ZAN: variants seen among roughly 807,000 people sequenced by gnomAD.
The protein encoded by ZAN is zonadhesin.
ZAN carries 260 observed loss-of-function variants against 286.2 expected under a neutral mutation model. That is an observed-to-expected ratio of 0.91 (90% CI 0.82 to 1.01). The LOEUF is 1.01. Among genes scored for constraint, ZAN ranks in the 50% least tolerant of loss-of-function variants. The pLI, the probability that ZAN is intolerant of heterozygous loss-of-function variation, is 0.00. For missense variants in ZAN, 3,410 were observed against 3,639.2 expected, an observed-to-expected ratio of 0.94 and a Z score of 1.62; for synonymous variants, 1,368 against 1,417.5, an observed-to-expected ratio of 0.97 and a Z score of 0.79.
In ZAN at chr7:100,779,751, G is replaced by A. The variant is rs482308; in HGVS notation, c.6622+1G>A. 0.34 allele frequency: 531,393 copies of A among 1,548,598 alleles called. 94,068 individuals carry two copies. Among genetic ancestry groups the A allele is most frequent in the Non-Finnish European group, 0.36 (415,181 of 1,146,924 alleles). Reference sequence around the variant, plus strand: ...CTCTGGAGAAACAGCAGCTTCTGCCGTGAGTGTGCCCTGCTGTCACCCCAA... The same window carrying A: ...CTCTGGAGAAACAGCAGCTTCTGCCATGAGTGTGCCCTGCTGTCACCCCAA... On this transcript the variant is annotated splice_donor_variant, in intron 35 of 47. Transcript: ENST00000613979. LOFTEE classifies it high-confidence loss of function.
At position 100,737,081 on chromosome 7, in the gene ZAN, G is replaced by C; in HGVS notation, c.525+1G>C. 2.7e-6 allele frequency: 4 copies of C among 1,490,834 alleles called. 2 individuals carry two copies. Among genetic ancestry groups the C allele is most frequent in the South Asian group, 2.4e-5 (2 of 84,966 alleles). 92.4% of individuals were successfully genotyped at this position (1,490,834 alleles called of 1,614,324 possible). On this transcript the variant is annotated splice_donor_variant, in intron 5 of 47. Coordinates refer to ENST00000613979, the MANE Select transcript of ZAN (RefSeq NM_003386.3). LOFTEE classifies it high-confidence loss of function. ...CGCAGGGTTCACCCTGCCCACCCGG[G>C]TAAGGCCGGGGACAAATTGTGGGAC...
At chr7:100,796,212 C>T (rs1812352392) in intron 45 of ZAN, among the ~76,000 whole-genome samples, 1 of 152,190 alleles carries the variant, frequency 6.6e-6, no homozygotes, top group African/African-American at 2.4e-5. Context: ...ACCCCTGCTG[C>T]TTCCTCCTCC....
Position 100,759,779 on chromosome 7 carries a change from C to T in ZAN, c.3630C>T (p.Cys1210=). Residue 1210 remains cysteine, a synonymous_variant, in exon 18 of 48, where the codon TGC becomes TGT. Transcript: ENST00000613979. ...NEEQGQEGVS[C]LSKVYVTLPE... ...AGCAGGGACAGGAAGGCGTGTCCTGCCTGAGCAAAGTCTACGTGACCCTGC... is the reference window on the plus strand; with the variant it reads ...AGCAGGGACAGGAAGGCGTGTCCTGTCTGAGCAAAGTCTACGTGACCCTGC... The T allele has an allele frequency of 6.2e-7, 1 of 1,605,252 alleles. No individual in the cohort carries two copies. The highest frequency in any genetic ancestry group is 8.5e-7 in the Non-Finnish European group (1 of 1,176,214).
chr7:100,792,489 C>A lies in ZAN; in HGVS notation c.7787+10C>A. 6.2e-7 allele frequency: 1 copy of A among 1,613,854 alleles called. No homozygotes were observed. Among genetic ancestry groups the A allele is most frequent in the Non-Finnish European group, 8.5e-7 (1 of 1,179,860 alleles). On this transcript the variant is annotated intron_variant, in intron 42 of 47. Transcript: ENST00000613979. ...GCCAGGTCCTCAGTGGGTACGCCAT[C>A]CTCTGCCAGGAGGCGGGCGCTGCCC...
At chr7:100,766,691 G>A in intron 24 of ZAN, 25 bp downstream of exon 24, 3 of 1,556,562 alleles carry the variant, frequency 1.9e-6, no homozygotes, top group Non-Finnish European at 2.6e-6. Context: ...TGGAAGGTGA[G>A]CTGGGGGCTG....
chr7:100,764,346 T>G (rs1243284335), intron 22 of ZAN, 150 bp downstream of exon 22: 1 of 991,072 alleles, frequency 1.0e-6, no homozygotes, highest in Non-Finnish European at 1.4e-6. Context: ...CATACCAAAA[T>G]TAGCCAGGCA....
At chr7:100,743,049 CAG>C (rs1252046916) in intron 7 of ZAN, among the ~76,000 whole-genome samples, 1 of 105,888 alleles carries the variant, frequency 9.4e-6, no homozygotes, top group Non-Finnish European at 2.2e-5. Flanking sequence ...TTTTTTGAGA[CAG>C]AATCTTGCTG....
intron 46 of ZAN, 31 bp from the exon 47 acceptor site, chr7:100,797,546 G>C: frequency 6.2e-7 from 1 of 1,613,532 alleles, no homozygotes; most frequent in Non-Finnish European, 8.5e-7. Context: ...GGCCACTTGG[G>C]GACCCATGTC....
chr7:100,737,066 A>C lies in ZAN; in HGVS notation c.511A>C (p.Thr171Pro). Residue 171 changes from threonine to proline, a missense_variant, in exon 5 of 48, where the codon ACC becomes CCC. Physicochemically the swap from Thr to Pro is conservative, Grantham distance 38. This residue lies in a region of ZAN where 872 missense variants were observed against 938.9 expected (regional missense o/e 0.93). Transcript: ENST00000613979. ...LTTVTVPAGF[T>P]LPTRLMFEGT... ...CACCGTCACTGTGCCCGCAGGGTTC[A>C]CCCTGCCCACCCGGGTAAGGCCGGG... The C allele has an allele frequency of 6.7e-7, 1 of 1,493,562 alleles. No individual in the cohort carries two copies. Among genetic ancestry groups the C allele is most frequent in the African/African-American group, 1.4e-5 (1 of 70,248 alleles). 92.5% of individuals were successfully genotyped at this position (1,493,562 alleles called of 1,614,324 possible).
intron 39 of ZAN, among the ~76,000 whole-genome samples, chr7:100,790,686 C>T (rs1408645391): frequency 4.0e-5 from 6 of 151,836 alleles, no homozygotes; most frequent in Non-Finnish European, 8.8e-5. Context: ...AATTCTAGAC[C>T]AGTTTGGCCA....
intron 17 of ZAN, 77 bp from the exon 18 acceptor site, chr7:100,759,644 G>C: frequency 6.9e-7 from 1 of 1,456,894 alleles, no homozygotes; most frequent in South Asian, 1.4e-5. Context: ...TCCCTGCGGC[G>C]CCAGGCTCAG....
In ZAN at chr7:100,755,421, C is replaced by T. The variant is rs746335004; in HGVS notation, c.3309+11C>T. 181 of 1,610,096 alleles carry T rather than the reference C, an allele frequency of 1.1e-4. No homozygotes were observed. The South Asian group carries it at 1.6e-3, about 15-fold the overall frequency. ...AACGACTACTATGAGGTAAGCCCCC[C>T]GGGATGCTGGGGTCCCATGAGGGAG... is the stretch of plus-strand genomic sequence containing the variant. On this transcript the variant is annotated intron_variant, in intron 15 of 47. Coordinates refer to ENST00000613979, the MANE Select transcript of ZAN (RefSeq NM_003386.3).
At chr7:100,771,083 C>T (rs1477342363) in intron 28 of ZAN, among the ~76,000 whole-genome samples, 2 of 151,980 alleles carry the variant, frequency 1.3e-5, no homozygotes, top group African/African-American at 4.8e-5. Flanking sequence ...GTATTAAAGG[C>T]ATGAGCCATC....
intron 34 of ZAN, among the ~76,000 whole-genome samples, chr7:100,776,983 C>T (rs1810862697): frequency 6.7e-6 from 1 of 150,116 alleles, no homozygotes; most frequent in African/African-American, 2.4e-5. Flanking sequence ...CCACCCGCCT[C>T]GGCCTCCCAA....
At chr7:100,748,038 G>T in intron 9 of ZAN, 99 bp from the exon 10 acceptor site, 1 of 955,436 alleles carries the variant, frequency 1.0e-6, no homozygotes, top group Non-Finnish European at 1.7e-6. Context: ...TGGGCACAGG[G>T]AGTAGGGATT....
chr7:100,791,748 G>T lies in ZAN; in HGVS notation c.7530-218G>T, dbSNP rs145009277. ...CTTTTTTTAAAATATATTTTTTAGA[G>T]ACCGGGTCGTGCTCTGTTACCCAGG... is the stretch of plus-strand genomic sequence containing the variant. On this transcript the variant is annotated intron_variant, in intron 40 of 47. Transcript: ENST00000613979. Among the ~76,000 whole-genome samples the T allele has an allele frequency of 4.0e-3, 593 of 149,750 alleles. 4 individuals are homozygous for T. Among genetic ancestry groups the T allele is most frequent in the African/African-American group, 0.014 (558 of 40,594 alleles).
chr7:100,775,286 C>G, intron 31 of ZAN, 42 bp from the exon 32 acceptor site: 1 of 1,599,504 alleles, frequency 6.3e-7, no homozygotes, highest in Non-Finnish European at 8.5e-7. Context: ...CCTGTACCTG[C>G]CAGAGGAGCG....
rs532118229 is a variant in ZAN, at chr7:100,746,334, C to T, written c.767-204C>T. Among the ~76,000 whole-genome samples, 139 of 152,302 alleles carry T rather than the reference C, an allele frequency of 9.1e-4. No individual in the cohort carries two copies. In the Middle Eastern group the frequency reaches 0.01, roughly 11 times the overall value. On this transcript the variant is annotated intron_variant, in intron 7 of 47. Transcript: ENST00000613979. Reference sequence around the variant, plus strand: ...AGGTGTCCGCCGCTTCCCATGGCAGCGCCGGGTCCTTACCCAGCCCAAGCA... The same window carrying T: ...AGGTGTCCGCCGCTTCCCATGGCAGTGCCGGGTCCTTACCCAGCCCAAGCA...
At chr7:100,760,069 C>G (rs1025998741) in intron 18 of ZAN, among the ~76,000 whole-genome samples, 3 of 152,058 alleles carry the variant, frequency 2.0e-5, no homozygotes, top group African/African-American at 7.2e-5. Context: ...AAAAAATTAG[C>G]CTGGTGTGGT....
Sources: gnomAD v4.1 joint callset for allele counts (sites outside exome capture counted in the v4.1 genomes callset) on GRCh38, gnomAD v4.1.1 for gene constraint, gnomAD v4.1.1 regional missense constraint, MANE v1.5 for transcripts, NCBI Gene and HGNC (gene_info 2026-07-23, HGNC 2026-07-21) for gene names.